PARD3B: variants seen among roughly 807,000 people sequenced by gnomAD.
The protein encoded by PARD3B is par-3 family cell polarity regulator beta.
A neutral mutation model predicts 130.2 loss-of-function variants in PARD3B; 103 were observed. The ratio of observed to expected loss-of-function variants is 0.79; its 90% confidence interval spans 0.67 to 0.93. PARD3B has a LOEUF of 0.93. PARD3B is among the 40% of genes least tolerant of loss of function. The pLI, the probability that PARD3B is intolerant of heterozygous loss-of-function variation, is 0.00. For missense variants in PARD3B, 1,609 were observed against 1,499.2 expected, an observed-to-expected ratio of 1.07 and a Z score of -1.21; for synonymous variants, 583 against 553.2, an observed-to-expected ratio of 1.05 and a Z score of -0.76.
chr2:204,922,385 A>G (rs1283274590), intron 2 of PARD3B, among the ~76,000 whole-genome samples: 1 of 152,158 alleles, frequency 6.6e-6, no homozygotes, highest in Non-Finnish European at 1.5e-5. Flanking sequence ...CTGGTGGTAG[A>G]AGGTAGTCAA....
At chr2:204,979,405 T>A (rs1224345474) in intron 3 of PARD3B, among the ~76,000 whole-genome samples, 1 of 152,128 alleles carries the variant, frequency 6.6e-6, no homozygotes, top group Non-Finnish European at 1.5e-5. Flanking sequence ...AACCACCTAA[T>A]TCAGTGGAGA....
rs1380856815 is a variant in PARD3B at position 205,105,358 on chromosome 2, G to A, written c.593+844G>A. Among the ~76,000 whole-genome samples the A allele has an allele frequency of 6.6e-6, 1 of 151,984 alleles. No individual in the cohort carries two copies. Among genetic ancestry groups the A allele is most frequent in the Non-Finnish European group, 1.5e-5 (1 of 67,986 alleles). Reference sequence around the variant, plus strand: ...CTATTATTGTTCTAATCATCATTTTGTTTAACGCACTTCAAATTTGGCATA... The same window carrying A: ...CTATTATTGTTCTAATCATCATTTTATTTAACGCACTTCAAATTTGGCATA... On this transcript the variant is annotated intron_variant, in intron 5 of 22. Transcript: ENST00000406610. The surrounding 1 kb of genome is among the most constrained non-coding windows in gnomAD (Gnocchi z 4.0).
At chr2:204,789,138 CCT>C (rs1369956062) in intron 2 of PARD3B, among the ~76,000 whole-genome samples, 1 of 152,144 alleles carries the variant, frequency 6.6e-6, no homozygotes, top group Non-Finnish European at 1.5e-5. Context: ...CTCACTGCAG[CCT>C]CTAAGTCCTG....
chr2:204,925,994 C>T (rs1687587831), intron 2 of PARD3B, among the ~76,000 whole-genome samples: 1 of 147,046 alleles, frequency 6.8e-6, no homozygotes, highest in Admixed American at 6.7e-5. Flanking sequence ...TGAGGCCTCC[C>T]CAGCCATGTG....
In PARD3B at chr2:204,747,446, G is replaced by T. The variant is rs536823498; in HGVS notation, c.222+61164G>T. 4.6e-5 allele frequency among the ~76,000 whole-genome samples: 7 copies of T among 152,236 alleles called. No individual in the cohort carries two copies. In the East Asian group the frequency reaches 9.7e-4, roughly 21 times the overall value. ...GAAATAAAAGAGGACACAAACAAAT[G>T]GAAGAACATTCCATGCTCATGGATA... On this transcript the variant is annotated intron_variant, in intron 2 of 22. Coordinates refer to ENST00000406610, the MANE Select transcript of PARD3B (RefSeq NM_001302769.2).
chr2:205,175,403 C>G (rs573577146), intron 12 of PARD3B, among the ~76,000 whole-genome samples: 1 of 152,178 alleles, frequency 6.6e-6, no homozygotes, highest in South Asian at 2.1e-4. Flanking sequence ...TGACAAAAAG[C>G]TAAAGGACCT....
chr2:205,544,438 C>T (rs975917172), intron 21 of PARD3B, among the ~76,000 whole-genome samples: 26 of 152,068 alleles, frequency 1.7e-4, no homozygotes, highest in African/African-American at 4.8e-5. Context: ...AAGGCACATA[C>T]GCACACGTGC....
chr2:204,659,037 C>G lies in PARD3B; in HGVS notation c.121-27144C>G, dbSNP rs74491661. On this transcript the variant is annotated intron_variant, in intron 1 of 22. Transcript: ENST00000406610. ...AGCCAGGCCAGCTATCACATTGTTC[C>G]AGGTGTTTTAGCATTCCCTAGCTAT... Among the ~76,000 whole-genome samples, 101 of 152,208 alleles carry G rather than the reference C, an allele frequency of 6.6e-4. No homozygotes were observed. The East Asian group carries it at 0.019, about 29-fold the overall frequency.
At chr2:205,312,642 G>A (rs2042429779) in intron 18 of PARD3B, among the ~76,000 whole-genome samples, 1 of 152,126 alleles carries the variant, frequency 6.6e-6, no homozygotes, top group Non-Finnish European at 1.5e-5. Flanking sequence ...TATCTCTTTG[G>A]TAACTCTGAA....
chr2:204,622,228 A>G (rs370340973), intron 1 of PARD3B, among the ~76,000 whole-genome samples: 2 of 152,176 alleles, frequency 1.3e-5, no homozygotes, highest in East Asian at 3.9e-4. Context: ...CTAACTCAAA[A>G]CACGCAACCA....
At position 204,943,939 on chromosome 2, in the gene PARD3B, A is replaced by C. The variant is rs549679946; in HGVS notation, c.223-21213A>C. 6.6e-5 allele frequency among the ~76,000 whole-genome samples: 10 copies of C among 152,346 alleles called. No homozygotes were observed. In the South Asian group the frequency reaches 2.1e-3, roughly 32 times the overall value. ...AATAAATGCTAGCAATAAGTTAGTA[A>C]AAGTAGAAAAGGGGACTAAACATTC... is the stretch of plus-strand genomic sequence containing the variant. On this transcript the variant is annotated intron_variant, in intron 2 of 22. Transcript: ENST00000406610. The surrounding 1 kb of genome is among the most constrained non-coding windows in gnomAD (Gnocchi z 4.2).
chr2:205,450,061 A>C (rs901161893), intron 20 of PARD3B, among the ~76,000 whole-genome samples: 1 of 152,184 alleles, frequency 6.6e-6, no homozygotes. Flanking sequence ...CTCACTGTAA[A>C]ATGAAGACAT....
At chr2:204,620,118 C>T (rs547933748) in intron 1 of PARD3B, among the ~76,000 whole-genome samples, 2 of 152,320 alleles carry the variant, frequency 1.3e-5, no homozygotes, top group South Asian at 2.1e-4. Flanking sequence ...TCTCCTGCCA[C>T]AGCCTCCCAA....
In PARD3B at chr2:204,919,112, A is replaced by G. The variant is rs186448604; in HGVS notation, c.223-46040A>G. Among the ~76,000 whole-genome samples, 19 of 152,128 alleles carry G rather than the reference A, an allele frequency of 1.2e-4. No individual in the cohort carries two copies. The East Asian group carries it at 3.5e-3, about 28-fold the overall frequency. On this transcript the variant is annotated intron_variant, in intron 2 of 22. Transcript: ENST00000406610. ...ACTTTATTTGCTTTATTAAGTATCT[A>G]TTTCTCTGTTTCTGTAACCATCTTT...
intron 19 of PARD3B, among the ~76,000 whole-genome samples, chr2:205,409,174 C>T (rs997470889): frequency 6.6e-6 from 1 of 152,048 alleles, no homozygotes; most frequent in South Asian, 2.1e-4. Flanking sequence ...ATAGTACTAA[C>T]CAACTCAGTG....
intron 22 of PARD3B, among the ~76,000 whole-genome samples, chr2:205,600,904 T>C (rs1343037290): frequency 6.6e-6 from 1 of 152,226 alleles, no homozygotes; most frequent in Non-Finnish European, 1.5e-5. Context: ...CAGTCTGTCA[T>C]TGATGGGCAT....
At chr2:205,259,396 T>C (rs1399506677) in intron 16 of PARD3B, among the ~76,000 whole-genome samples, 1 of 152,208 alleles carries the variant, frequency 6.6e-6, no homozygotes, top group African/African-American at 2.4e-5. Context: ...GATCTTCTTC[T>C]ATTGTCTTAT....
chr2:204,925,729 C>T (rs1209246658), intron 2 of PARD3B, among the ~76,000 whole-genome samples: 1 of 152,002 alleles, frequency 6.6e-6, no homozygotes, highest in African/African-American at 2.4e-5. Context: ...CTCATTCTTA[C>T]CCCTACTGAT....
chr2:204,735,053 A>G (rs1225126340), intron 2 of PARD3B, among the ~76,000 whole-genome samples: 1 of 151,926 alleles, frequency 6.6e-6, no homozygotes, highest in African/African-American at 2.4e-5. Flanking sequence ...AATTGGCAAG[A>G]TTTCATTTTT....
Sources: gnomAD v4.1 joint callset for allele counts (sites outside exome capture counted in the v4.1 genomes callset) on GRCh38, gnomAD v4.1.1 for gene constraint, Gnocchi (gnomAD v3.1) non-coding constraint, MANE v1.5 for transcripts, NCBI Gene and HGNC (gene_info 2026-07-23, HGNC 2026-07-21) for gene names.